Variants in KSR2 observed in about 807,000 individuals in gnomAD.
The protein encoded by KSR2 is kinase suppressor of ras 2.
A neutral mutation model predicts 107.8 loss-of-function variants in KSR2; 25 were observed. The observed-to-expected ratio is 0.23, with a 90% CI of 0.17 to 0.32. KSR2 has a LOEUF of 0.32. Among genes scored for constraint, KSR2 ranks in the 10% least tolerant of loss-of-function variants. KSR2 has a pLI of 1.00. For missense variants in KSR2, 887 were observed against 1,268.9 expected (o/e 0.70, Z 4.57); for synonymous variants, 480 against 507.0 (o/e 0.95, Z 0.71).
intron 4 of KSR2, among the ~76,000 whole-genome samples, chr12:117,715,159 T>C (rs868677791): frequency 3.3e-5 from 5 of 152,150 alleles, no homozygotes; most frequent in Non-Finnish European, 5.9e-5. Flanking sequence ...ATTTTCTTAT[T>C]AAAGGGCACA....
chr12:117,922,825 G>A (rs576512274), intron 1 of KSR2, among the ~76,000 whole-genome samples: 35 of 152,252 alleles, frequency 2.3e-4, no homozygotes, highest in African/African-American at 5.8e-4. Context: ...AAAATAGTCC[G>A]TCCTCATTAT....
At chr12:117,606,574 T>C (rs1245799227) in intron 5 of KSR2, among the ~76,000 whole-genome samples, 2 of 65,722 alleles carry the variant, frequency 3.0e-5, no homozygotes, top group African/African-American at 1.2e-4. Context: ...CCCTTCTTCC[T>C]CCCTTCCCTT....
intron 4 of KSR2, among the ~76,000 whole-genome samples, chr12:117,758,530 C>A (rs1691111094): frequency 6.6e-6 from 1 of 152,120 alleles, no homozygotes; most frequent in Non-Finnish European, 1.5e-5. Context: ...GAACTACCAG[C>A]CTTGAGGAAG....
chr12:117,686,553 T>C (rs1885581243), intron 4 of KSR2, among the ~76,000 whole-genome samples: 1 of 152,102 alleles, frequency 6.6e-6, no homozygotes, highest in African/African-American at 2.4e-5. Flanking sequence ...CTGGATTTGC[T>C]TGTAACACCT....
intron 3 of KSR2, among the ~76,000 whole-genome samples, chr12:117,835,225 A>G (rs1391816571): frequency 6.6e-6 from 1 of 152,090 alleles, no homozygotes; most frequent in African/African-American, 2.4e-5. Flanking sequence ...GCCCCCTTTC[A>G]TGGGTGATCA....
intron 3 of KSR2, among the ~76,000 whole-genome samples, chr12:117,841,299 TG>T (rs1892465871): frequency 2.6e-5 from 4 of 152,192 alleles, no homozygotes; most frequent in African/African-American, 9.6e-5. Flanking sequence ...GCATGTTCCC[TG>T]CAAGTTTCAA....
intron 14 of KSR2, among the ~76,000 whole-genome samples, chr12:117,491,804 T>C (rs924486353): frequency 3.9e-5 from 6 of 152,182 alleles, no homozygotes; most frequent in Non-Finnish European, 8.8e-5. Context: ...ATCTGGAGGC[T>C]ATGTTCTTAA....
intron 5 of KSR2, among the ~76,000 whole-genome samples, chr12:117,633,883 A>G (rs1882925591): frequency 6.6e-6 from 1 of 152,178 alleles, no homozygotes; most frequent in African/African-American, 2.4e-5. Flanking sequence ...GCTCCTCCAG[A>G]CATGCCCCAG....
intron 3 of KSR2, among the ~76,000 whole-genome samples, chr12:117,779,729 G>A (rs1304395809): frequency 1.3e-5 from 2 of 152,268 alleles, no homozygotes; most frequent in South Asian, 4.2e-4. Context: ...CCTTGTGAAG[G>A]TACTTGCTTC....
chr12:117,518,558 C>A (rs983990542), intron 14 of KSR2, among the ~76,000 whole-genome samples: 1 of 152,198 alleles, frequency 6.6e-6, no homozygotes, highest in Admixed American at 6.5e-5. Flanking sequence ...ACACATTGAA[C>A]CAACCAGCTG....
intron 2 of KSR2, 63 bp from the exon 3 acceptor site, chr12:117,855,641 C>A (rs1893078896): frequency 6.5e-7 from 1 of 1,539,280 alleles, no homozygotes; most frequent in Admixed American, 1.8e-5. Context: ...CTCCACGCTG[C>A]CCTGTAGTGG....
chr12:117,800,779 T>C (rs71452620), intron 3 of KSR2, among the ~76,000 whole-genome samples: 22,171 of 151,576 alleles, frequency 0.15, 1,809 homozygotes, highest in South Asian at 0.22. Context: ...GGCCCCGGTG[T>C]GTGATGTTCC....
intron 4 of KSR2, among the ~76,000 whole-genome samples, chr12:117,726,560 A>C (rs678736): frequency 0.73 from 110,674 of 152,064 alleles, 40,423 homozygotes; most frequent in Admixed American, 0.79. Flanking sequence ...CAGATGCTAG[A>C]AGCACTGTCC....
intron 4 of KSR2, among the ~76,000 whole-genome samples, chr12:117,695,830 A>G (rs528908949): frequency 5.9e-5 from 9 of 152,284 alleles, no homozygotes; most frequent in South Asian, 2.1e-4. Context: ...CCTGTGGGGA[A>G]GAGAGAGAAA....
intron 5 of KSR2, among the ~76,000 whole-genome samples, chr12:117,594,705 T>C (rs1213157191): frequency 2.6e-5 from 4 of 151,910 alleles, no homozygotes; most frequent in Non-Finnish European, 4.4e-5. Context: ...AGGAAGGAAT[T>C]CCCCCGCAAC....
rs61083015 is a variant in KSR2 at position 117,809,953 on chromosome 12, A to T, written c.472+45475T>A. ...AAGCAGAAAGTGATTCAAGTGACTGAAGAGAGGGTAAAGATGAATTTTGGA... is the reference window on the plus strand; with the variant it reads ...AAGCAGAAAGTGATTCAAGTGACTGTAGAGAGGGTAAAGATGAATTTTGGA... On this transcript the variant is annotated intron_variant, in intron 3 of 19. Transcript: ENST00000339824. Among the ~76,000 whole-genome samples, 2,379 of 152,258 alleles carry T rather than the reference A, an allele frequency of 0.016. 114 individuals carry two copies. The East Asian group carries it at 0.19, about 12-fold the overall frequency.
intron 4 of KSR2, among the ~76,000 whole-genome samples, chr12:117,676,462 A>G (rs896227651): frequency 6.6e-5 from 10 of 152,196 alleles, no homozygotes; most frequent in Non-Finnish European, 1.5e-4. Context: ...TGCAAAAGAT[A>G]CTAAGAAGGA....
chr12:117,722,559 C>T (rs1341349426), intron 4 of KSR2, among the ~76,000 whole-genome samples: 2 of 152,184 alleles, frequency 1.3e-5, no homozygotes, highest in African/African-American at 2.4e-5. Context: ...CCACCAGCAT[C>T]GTGACAGTTT....
At chr12:117,936,936 C>T (rs770490653) in intron 1 of KSR2, among the ~76,000 whole-genome samples, 2 of 152,172 alleles carry the variant, frequency 1.3e-5, no homozygotes, top group African/African-American at 2.4e-5. Flanking sequence ...GGAGACTAGA[C>T]AAACATGAGC....
Sources: gnomAD v4.1 joint callset for allele counts (sites outside exome capture counted in the v4.1 genomes callset) on GRCh38, gnomAD v4.1.1 for gene constraint, MANE v1.5 for transcripts, NCBI Gene and HGNC (gene_info 2026-07-23, HGNC 2026-07-21) for gene names.